PIP5K1A: variants seen among roughly 807,000 people sequenced by gnomAD.
The protein encoded by PIP5K1A is phosphatidylinositol 4-phosphate 5-kinase type-1 alpha.
A neutral mutation model predicts 72.9 loss-of-function variants in PIP5K1A; 46 were observed. That is an observed-to-expected ratio of 0.63 (90% CI 0.50 to 0.81). The LOEUF (loss-of-function observed/expected upper bound fraction) is 0.81, where lower values mean the gene tolerates loss of function less well. Ranked by LOEUF, PIP5K1A falls within the 30% of genes least tolerant of loss-of-function variation. PIP5K1A has a pLI of 0.00. For missense variants in PIP5K1A, 458 were observed against 706.1 expected (o/e 0.65, Z 3.98); for synonymous variants, 228 against 255.1 (o/e 0.89, Z 1.01).
At chr1:151,212,712 C>T (rs1026340662) in intron 1 of PIP5K1A, among the ~76,000 whole-genome samples, 16 of 151,780 alleles carry the variant, frequency 1.1e-4, no homozygotes, top group Non-Finnish European at 1.0e-4. Flanking sequence ...GTAGCTGGGA[C>T]TACAGGCGCA....
In PIP5K1A at chr1:151,207,333, T is replaced by G. The variant is rs587737892; in HGVS notation, c.85+8252T>G. ...AAGTCTTTTAAGGAAGGACTTGGAT[T>G]TTTTTCTTAATTTCAAAGAACGTTT... On this transcript the variant is annotated intron_variant, in intron 1 of 15. Transcript: ENST00000368888. 3.4e-4 allele frequency among the ~76,000 whole-genome samples: 52 copies of G among 152,294 alleles called. No individual in the cohort carries two copies. The South Asian group carries it at 6.8e-3, about 20-fold the overall frequency.
chr1:151,221,687 C>T (rs1003362088), intron 1 of PIP5K1A, among the ~76,000 whole-genome samples: 1 of 152,152 alleles, frequency 6.6e-6, no homozygotes, highest in Non-Finnish European at 1.5e-5. Flanking sequence ...TGTATTCCTA[C>T]AGTATTTTTC....
chr1:151,236,537 A>G (rs1366605677), intron 8 of PIP5K1A, 21 bp from the exon 9 acceptor site: 1 of 1,511,176 alleles, frequency 6.6e-7, no homozygotes, highest in African/African-American at 1.4e-5. Context: ...GGCTCAGATC[A>G]TGTTTTTTTC....
intron 1 of PIP5K1A, among the ~76,000 whole-genome samples, chr1:151,221,941 G>T (rs1688454008): frequency 6.6e-6 from 1 of 152,052 alleles, no homozygotes; most frequent in South Asian, 2.1e-4. Flanking sequence ...AGCAAAATCA[G>T]CTGGGCATGG....
chr1:151,225,717 G>C (rs1195947179), intron 3 of PIP5K1A, among the ~76,000 whole-genome samples: 1 of 152,006 alleles, frequency 6.6e-6, no homozygotes, highest in South Asian at 2.1e-4. Context: ...TGATCCACCC[G>C]CCTTGGCCTC....
chr1:151,214,795 C>T (rs1050146788), intron 1 of PIP5K1A, among the ~76,000 whole-genome samples: 1 of 152,168 alleles, frequency 6.6e-6, no homozygotes, highest in African/African-American at 2.4e-5. Context: ...TGGCTCACTG[C>T]AACCTCTGCC....
Position 151,204,188 on chromosome 1 carries a change from T to A in PIP5K1A, c.85+5107T>A, listed in dbSNP as rs587685816. On this transcript the variant is annotated intron_variant, in intron 1 of 15. Coordinates refer to ENST00000368888, the MANE Select transcript of PIP5K1A (RefSeq NM_001135638.2). ...GATTATTGTTGATATATATATATAT[T>A]TTTTTGAGATGGAGTTTCGCTCTTG... Among the ~76,000 whole-genome samples the A allele has an allele frequency of 1.7e-3, 255 of 152,162 alleles. 1 individual carries two copies. Among genetic ancestry groups the A allele is most frequent in the South Asian group, 0.012 (60 of 4,816 alleles).
chr1:151,229,167 C>CAGAA (rs1553298079), intron 4 of PIP5K1A, among the ~76,000 whole-genome samples: 1 of 41,364 alleles, frequency 2.4e-5, no homozygotes, highest in Non-Finnish European at 4.2e-5. Context: ...GACCCCGTCT[C>CAGAA]AAAAAAAAAA....
intron 1 of PIP5K1A, chr1:151,213,494 C>T (rs1334426430): frequency 6.6e-6 from 1 of 152,076 alleles, no homozygotes; most frequent in African/African-American, 2.4e-5. Flanking sequence ...GTGTTGATTT[C>T]TGAGGGGTAT....
At chr1:151,215,872 C>T in intron 1 of PIP5K1A, 1 of 630,450 alleles carries the variant, frequency 1.6e-6, no homozygotes. Flanking sequence ...TAATTTTAAA[C>T]TTTAGAGTTT....
intron 3 of PIP5K1A, 92 bp from the exon 4 acceptor site, chr1:151,227,225 ATGT>A (rs2102508409): frequency 2.7e-6 from 2 of 730,966 alleles, no homozygotes; most frequent in East Asian, 2.6e-5. Flanking sequence ...TAGAAAGAAT[ATGT>A]TGTTTCAGTT....
At chr1:151,222,136 G>T (rs587596008) in intron 1 of PIP5K1A, among the ~76,000 whole-genome samples, 1 of 152,130 alleles carries the variant, frequency 6.6e-6, no homozygotes, top group East Asian at 1.9e-4. Flanking sequence ...ATATAGATAC[G>T]ATATTTTTCT....
At chr1:151,200,800 A>G (rs587609981) in intron 1 of PIP5K1A, among the ~76,000 whole-genome samples, 3 of 149,016 alleles carry the variant, frequency 2.0e-5, no homozygotes, top group African/African-American at 7.4e-5. Context: ...AGGATAAAGT[A>G]AAAGTGACAG....
chr1:151,204,325 C>T (rs938765309), intron 1 of PIP5K1A, among the ~76,000 whole-genome samples: 6 of 152,114 alleles, frequency 3.9e-5, no homozygotes, highest in South Asian at 2.1e-4. Flanking sequence ...TACAGGCACC[C>T]GCCAACACGC....
chr1:151,198,375 G>A (rs1205458188), upstream of PIP5K1A, among the ~76,000 whole-genome samples: 2 of 152,050 alleles, frequency 1.3e-5, no homozygotes, highest in East Asian at 3.9e-4. Flanking sequence ...GACCTGCCGA[G>A]CCACCGTAGG....
chr1:151,242,399 T>G, intron 13 of PIP5K1A, 39 bp from the exon 14 acceptor site: 1 of 1,612,034 alleles, frequency 6.2e-7, no homozygotes, highest in African/African-American at 1.3e-5. Context: ...TATTTTTCCT[T>G]GTATTTACTG....
rs926155631 is a variant in PIP5K1A at position 151,244,868 on chromosome 1, T to C, written c.1641-2052T>C. On this transcript the variant is annotated intron_variant, in intron 14 of 15. Coordinates refer to ENST00000368888, the MANE Select transcript of PIP5K1A (RefSeq NM_001135638.2). ...GTCTTAATAAGATGTTTCACAGTCA[T>C]ATGTTTGCCTTCATCTTTAGACCAC... Among the ~76,000 whole-genome samples, 8 of 152,126 alleles carry C rather than the reference T, an allele frequency of 5.3e-5. No individual in the cohort carries two copies. In the East Asian group the frequency reaches 7.7e-4, roughly 15 times the overall value.
At chr1:151,229,428 C>T (rs1689701122) in intron 4 of PIP5K1A, among the ~76,000 whole-genome samples, 1 of 148,610 alleles carries the variant, frequency 6.7e-6, no homozygotes, top group Non-Finnish European at 1.5e-5. Flanking sequence ...ATGGCGTGAT[C>T]TCCACTCACC....
chr1:151,222,763 C>G (rs1221025898), intron 1 of PIP5K1A, among the ~76,000 whole-genome samples: 2 of 152,082 alleles, frequency 1.3e-5, no homozygotes, highest in African/African-American at 4.8e-5. Flanking sequence ...AATCAGATTC[C>G]ATAGTTGCTA....
Sources: allele counts gnomAD v4.1 joint callset (sites outside exome capture counted in the v4.1 genomes callset), GRCh38; gene constraint gnomAD v4.1.1; transcripts MANE v1.5; gene names NCBI Gene and HGNC (gene_info 2026-07-23, HGNC 2026-07-21).